SLC6A2: variants seen among roughly 807,000 people sequenced by gnomAD.
SLC6A2 encodes the protein sodium-dependent noradrenaline transporter.
A neutral mutation model predicts 71.7 loss-of-function variants in SLC6A2; 26 were observed. The observed-to-expected ratio is 0.36, with a 90% CI of 0.27 to 0.50. SLC6A2 has a LOEUF of 0.50. Among genes scored for constraint, SLC6A2 ranks in the 20% least tolerant of loss-of-function variants. SLC6A2 has a pLI of 0.96. For missense variants in SLC6A2, 581 were observed against 803.9 expected, an observed-to-expected ratio of 0.72 and a Z score of 3.35; for synonymous variants, 363 against 337.9, an observed-to-expected ratio of 1.07 and a Z score of -0.82.
intron 4 of SLC6A2, among the ~76,000 whole-genome samples, chr16:55,681,376 C>T (rs1200268753): frequency 2.0e-5 from 3 of 152,208 alleles, no homozygotes; most frequent in Admixed American, 6.5e-5. Flanking sequence ...GCCCCCGGCA[C>T]ACTGCCTGGC....
intron 2 of SLC6A2, among the ~76,000 whole-genome samples, chr16:55,668,560 A>G (rs1406353732): frequency 6.6e-6 from 1 of 152,176 alleles, no homozygotes; most frequent in Non-Finnish European, 1.5e-5. Flanking sequence ...GTGCGTGGAA[A>G]GGAGCTGGTG....
At chr16:55,684,602 T>G (rs1286408184) in intron 4 of SLC6A2, among the ~76,000 whole-genome samples, 2 of 152,180 alleles carry the variant, frequency 1.3e-5, no homozygotes, top group African/African-American at 4.8e-5. Context: ...ATATGGACCT[T>G]TTGGGAAGGA....
At chr16:55,679,802 G>A (rs1171264383) in intron 4 of SLC6A2, among the ~76,000 whole-genome samples, 2 of 152,222 alleles carry the variant, frequency 1.3e-5, no homozygotes, top group Non-Finnish European at 2.9e-5. Flanking sequence ...GTGTGGCAAG[G>A]CCAGGGATGA....
At chr16:55,663,651 A>G (rs966999631) in intron 2 of SLC6A2, among the ~76,000 whole-genome samples, 1 of 152,140 alleles carries the variant, frequency 6.6e-6, no homozygotes, top group East Asian at 1.9e-4. Context: ...CTGTCTATCT[A>G]TCTATCCATC....
intron 4 of SLC6A2, among the ~76,000 whole-genome samples, chr16:55,682,724 T>TG (rs1391667651): frequency 6.6e-6 from 1 of 152,100 alleles, no homozygotes; most frequent in Non-Finnish European, 1.5e-5. Context: ...CAAGGATGAT[T>TG]GGGGGGCCTC....
chr16:55,691,866 C>T, intron 5 of SLC6A2, 52 bp from the exon 6 acceptor site: 2 of 1,610,024 alleles, frequency 1.2e-6, no homozygotes. Context: ...ACCAGCCCGC[C>T]ACGGGATTGG....
intron 13 of SLC6A2, 26 bp from the exon 14 acceptor site, chr16:55,701,837 G>A (rs750542746): frequency 1.3e-6 from 2 of 1,598,414 alleles, no homozygotes; most frequent in Admixed American, 1.7e-5. Flanking sequence ...CCAAGCTGAG[G>A]CCTCCTCCCC....
chr16:55,698,613 A>G (rs1452499585), intron 11 of SLC6A2, 45 bp downstream of exon 11: 1 of 1,345,820 alleles, frequency 7.4e-7, no homozygotes. Context: ...TCCTCCTAGA[A>G]TCCTGCACCT....
chr16:55,656,325 G>A lies in SLC6A2; in HGVS notation c.-52+156G>A. ...AAGTGTCGCGGACCTGAGCTGGGGAGGGGGTCGGCACGCTGCCCTCAGCCT... is the reference window on the plus strand; with the variant it reads ...AAGTGTCGCGGACCTGAGCTGGGGAAGGGGTCGGCACGCTGCCCTCAGCCT... On this transcript the variant is annotated intron_variant, in intron 1 of 14. Transcript: ENST00000568943. This position sits in a 1 kb window ranked among gnomAD's most constrained non-coding sequence, Gnocchi z 4.5. The A allele has an allele frequency of 5.3e-6, 2 of 374,544 alleles. No homozygotes were observed. The highest frequency in any genetic ancestry group is 1.0e-5 in the Non-Finnish European group (2 of 198,488). 23.2% of individuals were successfully genotyped at this position (374,544 alleles called of 1,614,324 possible). A position where few individuals can be genotyped will look rare whatever the true frequency, so the allele number is the denominator to read the frequency against.
intron 11 of SLC6A2, 102 bp from the exon 12 acceptor site, chr16:55,699,452 C>T (rs1158171268): frequency 8.0e-6 from 7 of 869,744 alleles, no homozygotes; most frequent in Non-Finnish European, 1.2e-5. Context: ...CAGCATCTTG[C>T]CTCACTGCCC....
intron 8 of SLC6A2, 44 bp from the exon 9 acceptor site, chr16:55,696,181 C>A (rs780452671): frequency 5.1e-6 from 6 of 1,182,642 alleles, no homozygotes; most frequent in Non-Finnish European, 7.6e-6. Context: ...GCAGCTCAGA[C>A]CAATGGTTTC....
intron 5 of SLC6A2, among the ~76,000 whole-genome samples, chr16:55,691,189 G>GGGAA (rs1965607779): frequency 7.2e-6 from 1 of 138,008 alleles, no homozygotes; most frequent in Non-Finnish European, 1.5e-5. Context: ...GAGGGAGGGA[G>GGGAA]GATGGGAAGA....
intron 4 of SLC6A2, among the ~76,000 whole-genome samples, chr16:55,684,570 C>T (rs1442031355): frequency 6.6e-6 from 1 of 152,142 alleles, no homozygotes; most frequent in Non-Finnish European, 1.5e-5. Flanking sequence ...AGTCTCTAGA[C>T]CAGGTATTCT....
chr16:55,665,245 T>C (rs1406903619), intron 2 of SLC6A2, among the ~76,000 whole-genome samples: 2 of 152,214 alleles, frequency 1.3e-5, no homozygotes, highest in African/African-American at 4.8e-5. Context: ...AGACAGAACA[T>C]GTTTTATTTA....
rs761330183 is a variant in SLC6A2 at position 55,656,741 on chromosome 16, G to A, written c.47G>A (p.Gly16Glu). The A allele has an allele frequency of 1.9e-6, 3 of 1,613,002 alleles. No homozygotes were observed. The highest frequency in any genetic ancestry group is 2.5e-6 in the Non-Finnish European group (3 of 1,179,900). Reference protein sequence around the residue: ...MNPQVQPENNGADTGPEQPLR... With the variant: ...MNPQVQPENNEADTGPEQPLR... ...CCGCAGGTGCAGCCCGAGAACAACG[G>A]GGCGGACACGGGTCCAGAGCAGCCC... The change falls in exon 2 of 15, where the codon GGG (glycine) becomes GAG (glutamate). Residue 16 changes from glycine to glutamate, a missense_variant. Coordinates refer to ENST00000568943, the MANE Select transcript of SLC6A2 (RefSeq NM_001172501.3). The surrounding 1 kb of genome is among the most constrained non-coding windows in gnomAD (Gnocchi z 4.5).
chr16:55,665,943 C>T (rs118166091), intron 2 of SLC6A2, among the ~76,000 whole-genome samples: 3,018 of 152,260 alleles, frequency 0.02, 43 homozygotes, highest in Non-Finnish European at 0.028. Flanking sequence ...CTTTCATGGT[C>T]GACAGTTCTT....
At chr16:55,679,931 T>C (rs150882942) in intron 4 of SLC6A2, among the ~76,000 whole-genome samples, 1 of 152,298 alleles carries the variant, frequency 6.6e-6, no homozygotes, top group East Asian at 1.9e-4. Context: ...GGGACAGGGG[T>C]GCACACTGTC....
chr16:55,694,160 G>A, intron 7 of SLC6A2, 47 bp downstream of exon 7: 2 of 1,326,386 alleles, frequency 1.5e-6, no homozygotes. Context: ...CCTGGGGATT[G>A]ACTCTTGTTG....
At chr16:55,692,928 A>G (rs1391740282) in intron 6 of SLC6A2, among the ~76,000 whole-genome samples, 1 of 152,230 alleles carries the variant, frequency 6.6e-6, no homozygotes, top group Non-Finnish European at 1.5e-5. Flanking sequence ...GACATGAATC[A>G]GCCTCGTAAA....
Sources: allele counts gnomAD v4.1 joint callset (sites outside exome capture counted in the v4.1 genomes callset), GRCh38; gene constraint gnomAD v4.1.1; non-coding constraint Gnocchi (gnomAD v3.1); transcripts MANE v1.5; gene names NCBI Gene and HGNC (gene_info 2026-07-23, HGNC 2026-07-21).